The following LAMA4 variants were observed in gnomAD, a reference collection of about 807,000 sequenced individuals.
The protein encoded by LAMA4 is laminin subunit alpha-4.
In LAMA4, 127 loss-of-function variants were observed where a neutral mutation model predicts 207.1. That is an observed-to-expected ratio of 0.61 (90% CI 0.53 to 0.71). The LOEUF (loss-of-function observed/expected upper bound fraction) is 0.71. Ranked by LOEUF, LAMA4 falls within the 30% of genes least tolerant of loss-of-function variation. The pLI is 0.00. For missense variants in LAMA4, 2,093 were observed against 2,246.5 expected, an observed-to-expected ratio of 0.93 and a Z score of 1.38; for synonymous variants, 761 against 816.0, an observed-to-expected ratio of 0.93 and a Z score of 1.15.
chr6:112,202,698 T>C (rs1391234229), intron 4 of LAMA4, among the ~76,000 whole-genome samples: 2 of 152,216 alleles, frequency 1.3e-5, no homozygotes, highest in Admixed American at 6.5e-5. Flanking sequence ...TCGCAAACAG[T>C]TGGGTAAAAA....
rs1179525403 is a variant in LAMA4 at position 112,123,563 on chromosome 6, C to A, written c.4288-1362G>T. On this transcript the variant is annotated intron_variant, in intron 31 of 38. Transcript: ENST00000230538. ...TAAGGGCAAAAGACAAAATCCCCCCCACAAAAAAATAGTGTTTTAGCTAAA... is the reference window on the plus strand; with the variant it reads ...TAAGGGCAAAAGACAAAATCCCCCCAACAAAAAAATAGTGTTTTAGCTAAA... 2.0e-5 allele frequency among the ~76,000 whole-genome samples: 3 copies of A among 152,042 alleles called. No individual in the cohort carries two copies. The East Asian group carries it at 5.8e-4, about 29-fold the overall frequency.
intron 9 of LAMA4, among the ~76,000 whole-genome samples, chr6:112,183,496 C>G (rs1215808714): frequency 6.6e-6 from 1 of 152,148 alleles, no homozygotes; most frequent in Non-Finnish European, 1.5e-5. Context: ...TGTTAACTTT[C>G]AAGCGTACAT....
At chr6:112,178,451 T>C in intron 9 of LAMA4, 2 of 544,226 alleles carry the variant, frequency 3.7e-6, no homozygotes, top group Admixed American at 3.1e-5. Flanking sequence ...CCGTAAGTTA[T>C]TGGGGTATAG....
chr6:112,199,056 C>T (rs1027086708), intron 5 of LAMA4, among the ~76,000 whole-genome samples: 13 of 152,164 alleles, frequency 8.5e-5, no homozygotes, highest in Admixed American at 6.5e-5. Flanking sequence ...ACTTTCCAAA[C>T]CAGTGCTCTT....
rs1784636354 is a variant in LAMA4, at chr6:112,216,568, A to T, written c.196-99T>A. Reference sequence around the variant, plus strand: ...AGAGAAAGTGATTATTAAACAATCTAAACATTTCTAAAATGAATATACTAA... The same window carrying T: ...AGAGAAAGTGATTATTAAACAATCTTAACATTTCTAAAATGAATATACTAA... On this transcript the variant is annotated intron_variant, in intron 2 of 38. Coordinates refer to ENST00000230538, the MANE Select transcript of LAMA4 (RefSeq NM_001105206.3). 3 of 786,776 alleles carry T rather than the reference A, an allele frequency of 3.8e-6. No individual in the cohort carries two copies. In the East Asian group the frequency reaches 8.0e-5, roughly 21 times the overall value. The allele number at this position is 786,776 out of a possible 1,614,324, so 48.7% of individuals were successfully genotyped here. A position where few individuals can be genotyped will look rare whatever the true frequency, so the allele number is the denominator to read the frequency against.
chr6:112,170,350 T>C (rs1176344193), intron 12 of LAMA4, among the ~76,000 whole-genome samples: 1 of 152,174 alleles, frequency 6.6e-6, no homozygotes, highest in African/African-American at 2.4e-5. Flanking sequence ...CCACTTCTCA[T>C]TTCAGGGCTT....
Position 112,109,156 on chromosome 6 carries a change from A to T in LAMA4, c.*281T>A. On this transcript the variant is annotated 3_prime_UTR_variant, in exon 39 of 39. Coordinates refer to ENST00000230538, the MANE Select transcript of LAMA4 (RefSeq NM_001105206.3). ...TATTTGGAATCCCTTCTATTTTATTAGAAACAGAAACAGTAATTTCACCAG... is the reference window on the plus strand; with the variant it reads ...TATTTGGAATCCCTTCTATTTTATTTGAAACAGAAACAGTAATTTCACCAG... 2 of 437,998 alleles carry T rather than the reference A, an allele frequency of 4.6e-6. No individual in the cohort carries two copies. Among genetic ancestry groups the T allele is most frequent in the Non-Finnish European group, 8.4e-6 (2 of 238,132 alleles). 27.1% of individuals were successfully genotyped at this position (437,998 alleles called of 1,614,324 possible). A position where few individuals can be genotyped will look rare whatever the true frequency, so the allele number is the denominator to read the frequency against.
At position 112,114,072 on chromosome 6, in the gene LAMA4, T is replaced by C; in HGVS notation, c.5326+4A>G. On this transcript the variant is annotated splice_donor_region_variant and intron_variant, in intron 38 of 38. Transcript: ENST00000230538. ...GGAACTTTTCCTTTTTAAACAACACTTACCTGGAACACCTCCAACAAACAC... is the reference window on the plus strand; with the variant it reads ...GGAACTTTTCCTTTTTAAACAACACCTACCTGGAACACCTCCAACAAACAC... 1 of 1,613,864 alleles carries C rather than the reference T, an allele frequency of 6.2e-7. No homozygotes were observed. Among genetic ancestry groups the C allele is most frequent in the Non-Finnish European group, 8.5e-7 (1 of 1,179,788 alleles).
At chr6:112,156,738 A>C (rs1437595984) in intron 14 of LAMA4, among the ~76,000 whole-genome samples, 1 of 152,088 alleles carries the variant, frequency 6.6e-6, no homozygotes, top group African/African-American at 2.4e-5. Context: ...TCCTGTCTTC[A>C]AACCGCCTGA....
intron 2 of LAMA4, chr6:112,216,793 A>C (rs886607150): frequency 1.7e-5 from 6 of 357,306 alleles, no homozygotes; most frequent in South Asian, 1.4e-4. Flanking sequence ...AAAAATGCTA[A>C]TGTTTTCTTC....
chr6:112,118,703 T>TTGTG lies in LAMA4; in HGVS notation c.4821+449_4821+452dup, dbSNP rs1157564735. Among the ~76,000 whole-genome samples, 18 of 124,960 alleles carry TTGTG rather than the reference T, an allele frequency of 1.4e-4. No individual in the cohort carries two copies. The highest frequency in any genetic ancestry group is 4.0e-4 in the African/African-American group (13 of 32,774). 82.0% of individuals were successfully genotyped at this position (124,960 alleles called of 152,430 possible). ...CCACATTTCCTTATACATTTACAAATTGTGTGTGTGTGTGTGTATGTGTGT... is the reference window on the plus strand; with the variant it reads ...CCACATTTCCTTATACATTTACAAATTGTGTGTGTGTGTGTGTGTGTATGTGTGT... On this transcript the variant is annotated intron_variant, in intron 34 of 38. Coordinates refer to ENST00000230538, the MANE Select transcript of LAMA4 (RefSeq NM_001105206.3). This position sits in a 1 kb window ranked among gnomAD's most constrained non-coding sequence, Gnocchi z 4.6.
chr6:112,143,071 G>A (rs1366108472), intron 19 of LAMA4, among the ~76,000 whole-genome samples: 1 of 152,048 alleles, frequency 6.6e-6, no homozygotes, highest in African/African-American at 2.4e-5. Context: ...ATGCTGAGCT[G>A]GTCTGATTCA....
chr6:112,138,196 G>A (rs1779470806), intron 24 of LAMA4, among the ~76,000 whole-genome samples: 1 of 152,064 alleles, frequency 6.6e-6, no homozygotes, highest in South Asian at 2.1e-4. Flanking sequence ...AATGATACCT[G>A]GTTAGCTTAC....
chr6:112,216,821 A>T (rs1554358920), intron 2 of LAMA4: 1 of 336,546 alleles, frequency 3.0e-6, no homozygotes, highest in African/African-American at 2.1e-5. Context: ...AGCAAAACAA[A>T]ACAAGACCAC....
At chr6:112,122,316 CATT>C (rs1302764798) in intron 31 of LAMA4, 115 bp from the exon 32 acceptor site, 21 of 809,364 alleles carry the variant, frequency 2.6e-5, no homozygotes, top group Non-Finnish European at 3.6e-5. Context: ...GTGCATTTTC[CATT>C]CATGGAACAT....
rs9387061 is a variant in LAMA4, at chr6:112,187,567, G to T, written c.849C>A (p.Asp283Glu). 1 of 1,614,010 alleles carries T rather than the reference G, an allele frequency of 6.2e-7. No homozygotes were observed. The highest frequency in any genetic ancestry group is 8.5e-7 in the Non-Finnish European group (1 of 1,179,956). The change falls in exon 8 of 39, where the codon GAC (aspartate) becomes GAA (glutamate). Residue 283 changes from aspartate (D) to glutamate (E), a missense_variant. Physicochemically the swap from Asp to Glu is conservative, Grantham distance 45. Coordinates refer to ENST00000230538, the MANE Select transcript of LAMA4 (RefSeq NM_001105206.3). ...CDKCVWDLTDDLRLAALSIEE... is the reference protein window; with the variant it reads ...CDKCVWDLTDELRLAALSIEE... The stretch of plus-strand genomic sequence containing the variant: ...CGATGGAGAGCGCTGCTAACCGCAG[G>T]TCATCAGTCAGGTCCCAGACGCACT...
At chr6:112,202,938 C>A (rs782307874) in intron 4 of LAMA4, among the ~76,000 whole-genome samples, 5 of 152,128 alleles carry the variant, frequency 3.3e-5, no homozygotes, top group Non-Finnish European at 7.3e-5. Context: ...CTGTTTCAAA[C>A]AGATGACATT....
intron 31 of LAMA4, among the ~76,000 whole-genome samples, chr6:112,122,683 A>G (rs1383275560): frequency 6.6e-6 from 1 of 152,212 alleles, no homozygotes; most frequent in Non-Finnish European, 1.5e-5. Context: ...ATTTTTGGTG[A>G]TAGGATATGT....
intron 11 of LAMA4, among the ~76,000 whole-genome samples, chr6:112,174,750 C>T (rs974495989): frequency 5.3e-5 from 8 of 152,222 alleles, no homozygotes; most frequent in African/African-American, 1.9e-4. Flanking sequence ...CTTGGCCTCC[C>T]AAAGTGCTGG....
Sources: allele counts gnomAD v4.1 joint callset (sites outside exome capture counted in the v4.1 genomes callset), GRCh38; gene constraint gnomAD v4.1.1; non-coding constraint Gnocchi (gnomAD v3.1); transcripts MANE v1.5; gene names NCBI Gene and HGNC (gene_info 2026-07-23, HGNC 2026-07-21).